The following NMNAT3 variants were observed in gnomAD, a reference collection of about 807,000 sequenced individuals.
NMNAT3 encodes nicotinamide nucleotide adenylyltransferase 3, also known as nicotinamide/nicotinic acid mononucleotide adenylyltransferase 3.
NMNAT3 carries 21 observed loss-of-function variants against 24.8 expected under a neutral mutation model. The observed-to-expected ratio is 0.85, with a 90% CI of 0.60 to 1.22. The LOEUF (loss-of-function observed/expected upper bound fraction) is 1.22. NMNAT3 is among the 50% of genes most tolerant of loss of function. The pLI, the probability that NMNAT3 is intolerant of heterozygous loss-of-function variation, is 0.00. For synonymous variants in NMNAT3, 136 were observed against 155.2 expected (o/e 0.88, Z 0.92); for missense variants, 387 against 436.6 (o/e 0.89, Z 1.01).
At chr3:139,566,493 T>G (rs1937238017) in intron 6 of NMNAT3, 1 of 151,826 alleles carries the variant, frequency 6.6e-6, no homozygotes, top group Non-Finnish European at 1.5e-5. Flanking sequence ...TTTATGGTTT[T>G]AGGTCTAACA....
At chr3:139,575,491 G>T in intron 5 of NMNAT3, 1 of 644,586 alleles carries the variant, frequency 1.6e-6, no homozygotes, top group Non-Finnish European at 1.9e-6. Flanking sequence ...CCTACCTCTT[G>T]GAGTTGCTGA....
At chr3:139,602,462 T>C (rs966796630) in intron 3 of NMNAT3, among the ~76,000 whole-genome samples, 1 of 152,236 alleles carries the variant, frequency 6.6e-6, no homozygotes, top group Non-Finnish European at 1.5e-5. Context: ...AATATATTAA[T>C]GTCAGTTCCT....
At chr3:139,577,019 T>G (rs186998423) in intron 5 of NMNAT3, among the ~76,000 whole-genome samples, 9 of 152,074 alleles carry the variant, frequency 5.9e-5, no homozygotes, top group Non-Finnish European at 1.0e-4. Context: ...ATCATGCCAC[T>G]GCACTCCAGC....
chr3:139,563,247 C>T, intron 6 of NMNAT3, among the ~76,000 whole-genome samples: 1 of 152,212 alleles, frequency 6.6e-6, no homozygotes, highest in East Asian at 1.9e-4. Context: ...GGTTCTGCAT[C>T]TGTGAAGTTT....
At chr3:139,664,070 G>T (rs1171883308) in intron 1 of NMNAT3, among the ~76,000 whole-genome samples, 1 of 152,150 alleles carries the variant, frequency 6.6e-6, no homozygotes, top group Non-Finnish European at 1.5e-5. Flanking sequence ...TAAACATATA[G>T]AAATGTGAAG....
chr3:139,642,208 T>C (rs1301426724), intron 1 of NMNAT3, among the ~76,000 whole-genome samples: 2 of 152,208 alleles, frequency 1.3e-5, no homozygotes, highest in African/African-American at 4.8e-5. Context: ...AGACTTATTA[T>C]TATATAAACT....
intron 1 of NMNAT3, among the ~76,000 whole-genome samples, chr3:139,645,117 G>C (rs1451740078): frequency 1.3e-5 from 2 of 152,060 alleles, no homozygotes; most frequent in African/African-American, 4.8e-5. Context: ...CAGGAGAATC[G>C]CTTGAACCTG....
chr3:139,574,081 C>T (rs1938897548), intron 5 of NMNAT3, among the ~76,000 whole-genome samples: 1 of 152,208 alleles, frequency 6.6e-6, no homozygotes, highest in Non-Finnish European at 1.5e-5. Context: ...GATAACAACA[C>T]CTACTTTTAG....
At chr3:139,572,039 C>A in intron 6 of NMNAT3, 1 of 398,546 alleles carries the variant, frequency 2.5e-6, no homozygotes. Context: ...ATAATCCAGT[C>A]ATCCTGCAAG....
intron 1 of NMNAT3, among the ~76,000 whole-genome samples, chr3:139,665,137 T>C (rs987378309): frequency 6.6e-6 from 1 of 152,184 alleles, no homozygotes; most frequent in Non-Finnish European, 1.5e-5. Flanking sequence ...TGGGAGACTC[T>C]ACAGAAACTA....
At chr3:139,599,435 A>C in intron 3 of NMNAT3, 1 of 701,554 alleles carries the variant, frequency 1.4e-6, no homozygotes. Flanking sequence ...GCTGAAGTGC[A>C]CCCTGGGAAA....
At chr3:139,582,531 A>G (rs968695389) in intron 4 of NMNAT3, among the ~76,000 whole-genome samples, 3 of 149,540 alleles carry the variant, frequency 2.0e-5, no homozygotes, top group Non-Finnish European at 4.4e-5. Context: ...AATCCCAGCT[A>G]CTTGGGAGGC....
chr3:139,674,428 C>T (rs1014921890), intron 1 of NMNAT3, among the ~76,000 whole-genome samples: 5 of 152,154 alleles, frequency 3.3e-5, no homozygotes. Flanking sequence ...AAAATGGGAT[C>T]TGTCCATCTT....
intron 3 of NMNAT3, among the ~76,000 whole-genome samples, chr3:139,588,576 T>G (rs2054036767): frequency 6.6e-6 from 1 of 152,062 alleles, no homozygotes; most frequent in South Asian, 2.1e-4. Context: ...AGCTGTGCAG[T>G]AGCAGAGGCC....
intron 3 of NMNAT3, among the ~76,000 whole-genome samples, chr3:139,622,786 T>TATATGATATAC (rs1452794076): frequency 2.5e-4 from 35 of 142,352 alleles, no homozygotes; most frequent in Non-Finnish European, 4.1e-4. Context: ...ATATGATATA[T>TATATGATATAC]ATATGATATA....
chr3:139,647,850 A>C (rs1460649141), intron 1 of NMNAT3, among the ~76,000 whole-genome samples: 7 of 152,204 alleles, frequency 4.6e-5, no homozygotes, highest in Non-Finnish European at 1.0e-4. Flanking sequence ...TTAAACTACC[A>C]AGTTTATGGT....
At chr3:139,669,618 A>G (rs2057696854) in intron 1 of NMNAT3, among the ~76,000 whole-genome samples, 1 of 151,950 alleles carries the variant, frequency 6.6e-6, no homozygotes, top group Admixed American at 6.6e-5. Context: ...CTTTAATTGG[A>G]GATGAAGTGT....
At chr3:139,572,687 T>C (rs1241930244) in intron 6 of NMNAT3, among the ~76,000 whole-genome samples, 1 of 152,180 alleles carries the variant, frequency 6.6e-6, no homozygotes, top group African/African-American at 2.4e-5. Context: ...TAGGAAGCAC[T>C]AGTTCTGAAA....
chr3:139,565,296 G>C (rs1460604567), intron 6 of NMNAT3: 1 of 152,202 alleles, frequency 6.6e-6, no homozygotes, highest in Non-Finnish European at 1.5e-5. Context: ...CAAGCAAAGA[G>C]TGCAAAGATT....
Sources: allele counts gnomAD v4.1 joint callset (sites outside exome capture counted in the v4.1 genomes callset), GRCh38; gene constraint gnomAD v4.1.1; transcripts MANE v1.5; gene names NCBI Gene and HGNC (gene_info 2026-07-23, HGNC 2026-07-21).